ARMC3: variants seen among roughly 807,000 people sequenced by gnomAD.
ARMC3 encodes the protein armadillo repeat-containing protein 3.
Under a neutral mutation model 90.3 loss-of-function variants are expected in ARMC3, and 74 were observed. The ratio of observed to expected loss-of-function variants is 0.82; its 90% CI spans 0.68 to 0.99. The LOEUF (loss-of-function observed/expected upper bound fraction) is 0.99. ARMC3 is among the 50% of genes least tolerant of loss of function. The pLI is 0.00. For synonymous variants in ARMC3, 334 were observed against 361.8 expected, an observed-to-expected ratio of 0.92 and a Z score of 0.87; for missense variants, 958 against 1,042.8, an observed-to-expected ratio of 0.92 and a Z score of 1.12.
At chr10:22,932,067 A>G (rs768415187) in intron 2 of ARMC3, 23 bp downstream of exon 2, 14 of 1,573,906 alleles carry the variant, frequency 8.9e-6, no homozygotes, top group Non-Finnish European at 1.2e-5. Context: ...TTTGAATACT[A>G]GTAGCACTTT....
intron 10 of ARMC3, 75 bp downstream of exon 10, chr10:22,981,775 T>C: frequency 1.6e-6 from 2 of 1,261,320 alleles, no homozygotes; most frequent in Non-Finnish European, 1.1e-6. Flanking sequence ...TGTTAGTATA[T>C]TGACTTTCAC....
At chr10:23,026,088 A>T (rs1035786189) in intron 16 of ARMC3, among the ~76,000 whole-genome samples, 1 of 152,126 alleles carries the variant, frequency 6.6e-6, no homozygotes, top group Admixed American at 6.6e-5. Flanking sequence ...ATTCATTAAA[A>T]TTTTTTTCCA....
intron 18 of ARMC3, 21 bp downstream of exon 18, chr10:23,033,044 C>A (rs1388956866): frequency 2.5e-6 from 4 of 1,607,270 alleles, no homozygotes; most frequent in Middle Eastern, 1.7e-4. Flanking sequence ...TATTTTGCCT[C>A]ATTTGCCATT....
At chr10:23,017,908 A>G (rs894060862) in intron 16 of ARMC3, among the ~76,000 whole-genome samples, 8 of 152,270 alleles carry the variant, frequency 5.3e-5, no homozygotes, top group African/African-American at 1.9e-4. Context: ...AAAAGCTGCA[A>G]TCAAAGCTAC....
Position 22,998,134 on chromosome 10 carries a change from T to C in ARMC3, c.1176-14T>C, listed in dbSNP as rs2131401974. On this transcript the variant is annotated splice_polypyrimidine_tract_variant and intron_variant, in intron 10 of 18. Coordinates refer to ENST00000298032, the MANE Select transcript of ARMC3 (RefSeq NM_173081.5). ...TTCAGATGAATCACATTCATTTCTCTTTCATTTACTCAGCGCTGCTGCTGA... is the reference window on the plus strand; with the variant it reads ...TTCAGATGAATCACATTCATTTCTCCTTCATTTACTCAGCGCTGCTGCTGA... 6.2e-7 allele frequency: 1 copy of C among 1,609,962 alleles called. No homozygotes were observed. Among genetic ancestry groups the C allele is most frequent in the Non-Finnish European group, 8.5e-7 (1 of 1,177,298 alleles).
intron 1 of ARMC3, 67 bp downstream of exon 1, chr10:22,928,173 A>G (rs1408948166): frequency 6.6e-6 from 1 of 152,558 alleles, no homozygotes; most frequent in Non-Finnish European, 1.5e-5. Flanking sequence ...GGAAAGGAGA[A>G]GGTGCCACGT....
intron 10 of ARMC3, 112 bp from the exon 11 acceptor site, chr10:22,998,036 A>G: frequency 7.8e-7 from 1 of 1,279,750 alleles, no homozygotes; most frequent in Non-Finnish European, 1.1e-6. Flanking sequence ...AAATTAATTT[A>G]TTTCTAAAAT....
intron 10 of ARMC3, among the ~76,000 whole-genome samples, chr10:22,994,638 T>G (rs1309993534): frequency 1.3e-5 from 2 of 152,026 alleles, no homozygotes; most frequent in Non-Finnish European, 2.9e-5. Flanking sequence ...GCAATATGAT[T>G]ATAATTTTAA....
intron 16 of ARMC3, among the ~76,000 whole-genome samples, chr10:23,030,086 T>C (rs1838861595): frequency 6.6e-6 from 1 of 152,222 alleles, no homozygotes; most frequent in Non-Finnish European, 1.5e-5. Flanking sequence ...TATATGATTT[T>C]CATAATATAT....
At chr10:22,966,765 G>A (rs1191984957) in intron 7 of ARMC3, among the ~76,000 whole-genome samples, 1 of 152,144 alleles carries the variant, frequency 6.6e-6, no homozygotes, top group Non-Finnish European at 1.5e-5. Context: ...GGCAGCAGAT[G>A]ACCATGTGAA....
rs1332547316 is a variant in ARMC3, at chr10:22,955,725, TA to T, written c.167-80del. On this transcript the variant is annotated intron_variant, in intron 3 of 18. Coordinates refer to ENST00000298032, the MANE Select transcript of ARMC3 (RefSeq NM_173081.5). ...AGTAATGTGAAAGGCAAATGGCAAA[TA>T]AGAAATTGGAATGGCACAAGGCAGA... 10 of 1,509,740 alleles carry T rather than the reference TA, an allele frequency of 6.6e-6. No homozygotes were observed. The African/African-American group carries it at 1.1e-4, about 17-fold the overall frequency. 93.5% of individuals were successfully genotyped at this position (1,509,740 alleles called of 1,614,324 possible).
chr10:23,011,806 T>G (rs923198535), intron 16 of ARMC3, among the ~76,000 whole-genome samples: 3 of 152,154 alleles, frequency 2.0e-5, no homozygotes, highest in Non-Finnish European at 4.4e-5. Context: ...ATACAATCTC[T>G]CTCTGTCTCT....
At chr10:22,964,503 G>A (rs1352357131) in intron 7 of ARMC3, among the ~76,000 whole-genome samples, 4 of 149,754 alleles carry the variant, frequency 2.7e-5, no homozygotes, top group South Asian at 2.1e-4. Context: ...GCAGTGGCAC[G>A]ATCTCTGCTC....
At chr10:22,933,760 T>C (rs915472353) in intron 2 of ARMC3, among the ~76,000 whole-genome samples, 9 of 152,162 alleles carry the variant, frequency 5.9e-5, no homozygotes, top group Admixed American at 5.2e-4. Context: ...TGGCAGGCGC[T>C]GGTAGTCCCA....
At chr10:23,001,791 A>G in intron 11 of ARMC3, 128 bp from the exon 12 acceptor site, 1 of 1,155,806 alleles carries the variant, frequency 8.7e-7, no homozygotes, top group Non-Finnish European at 1.2e-6. Flanking sequence ...AAACCTAAAG[A>G]TAGACACATT....
At position 23,002,019 on chromosome 10, in the gene ARMC3, G is replaced by T; in HGVS notation, c.1526G>T (p.Gly509Val). 6.2e-7 allele frequency: 1 copy of T among 1,613,920 alleles called. No individual in the cohort carries two copies. Among genetic ancestry groups the T allele is most frequent in the Non-Finnish European group, 8.5e-7 (1 of 1,179,840 alleles). ...HASWAVMVCA[G>V]DELTANELCR... ...AGTTGGGCAGTGATGGTCTGTGCTG[G>T]TGACGAGCTGACGGCCAATGAATTA... Residue 509 changes from glycine to valine, a missense_variant, in exon 12 of 19, where the codon GGT becomes GTT. Coordinates refer to ENST00000298032, the MANE Select transcript of ARMC3 (RefSeq NM_173081.5).
At chr10:22,997,271 C>G (rs1472365020) in intron 10 of ARMC3, 1 of 152,184 alleles carries the variant, frequency 6.6e-6, no homozygotes, top group African/African-American at 2.4e-5. Flanking sequence ...AGCCCTTCCA[C>G]CCTGGCTTCA....
intron 1 of ARMC3, among the ~76,000 whole-genome samples, chr10:22,930,133 CT>C (rs982416226): frequency 4.7e-5 from 7 of 149,620 alleles, no homozygotes; most frequent in Admixed American, 1.3e-4. Flanking sequence ...TAAACTCTCT[CT>C]TTTTTTTTTC....
At chr10:23,025,658 C>T (rs188545808) in intron 16 of ARMC3, among the ~76,000 whole-genome samples, 26 of 151,986 alleles carry the variant, frequency 1.7e-4, no homozygotes, top group Non-Finnish European at 3.5e-4. Flanking sequence ...GGTCTCAAAT[C>T]AACAATCTGA....
Sources: allele counts gnomAD v4.1 joint callset (sites outside exome capture counted in the v4.1 genomes callset), GRCh38; gene constraint gnomAD v4.1.1; transcripts MANE v1.5; gene names NCBI Gene and HGNC (gene_info 2026-07-23, HGNC 2026-07-21).